KATNAL2: variants seen among roughly 807,000 people sequenced by gnomAD.
The protein encoded by KATNAL2 is katanin catalytic subunit A1 like 2, also known as katanin p60 ATPase-containing subunit A-like 2.
Under a neutral mutation model 76.3 loss-of-function variants are expected in KATNAL2, and 52 were observed. The observed-to-expected ratio is 0.68, with a 90% confidence interval of 0.55 to 0.86. The LOEUF (loss-of-function observed/expected upper bound fraction) is 0.86, where lower values mean the gene tolerates loss of function less well. KATNAL2 is among the 40% of genes least tolerant of loss of function. The pLI is 0.00. For synonymous variants in KATNAL2, 243 were observed against 244.2 expected (o/e 1.00, Z 0.05); for missense variants, 660 against 668.9 (o/e 0.99, Z 0.15).
intron 11 of KATNAL2, among the ~76,000 whole-genome samples, 163 bp downstream of exon 11, chr18:47,067,282 T>C (rs1388822758): frequency 3.3e-5 from 5 of 152,284 alleles, no homozygotes; most frequent in Middle Eastern, 3.4e-3. Flanking sequence ...CACCAAAGCC[T>C]GGTCCATTCT....
chr18:46,961,709 A>T (rs1310175971), intron 3 of KATNAL2, among the ~76,000 whole-genome samples: 1 of 152,228 alleles, frequency 6.6e-6, no homozygotes, highest in African/African-American at 2.4e-5. Context: ...ATTGGCAGAC[A>T]GCAATTGCTC....
At chr18:47,037,016 G>A (rs2060801888) in intron 3 of KATNAL2, among the ~76,000 whole-genome samples, 1 of 152,216 alleles carries the variant, frequency 6.6e-6, no homozygotes, top group South Asian at 2.1e-4. Context: ...TGCAGGGACT[G>A]TAAAACAGAA....
chr18:47,032,674 G>T, intron 3 of KATNAL2: 2 of 374,990 alleles, frequency 5.3e-6, no homozygotes, highest in Non-Finnish European at 9.6e-6. Flanking sequence ...AAAAAAAAAA[G>T]AAAGGAAAAA....
chr18:47,070,855 A>G (rs2061973403), intron 13 of KATNAL2, among the ~76,000 whole-genome samples: 1 of 152,190 alleles, frequency 6.6e-6, no homozygotes, highest in African/African-American at 2.4e-5. Context: ...GGAAATCTAC[A>G]TTGATATCTT....
At chr18:46,954,134 G>A (rs2059651455) in intron 3 of KATNAL2, among the ~76,000 whole-genome samples, 1 of 151,424 alleles carries the variant, frequency 6.6e-6, no homozygotes, top group Non-Finnish European at 1.5e-5. Context: ...TCTTCTGCCT[G>A]GGTAGGGGAG....
In KATNAL2 at chr18:46,952,574, A is replaced by G. The variant is rs117631098; in HGVS notation, c.51+5651A>G. Among the ~76,000 whole-genome samples, 86 of 151,804 alleles carry G rather than the reference A, an allele frequency of 5.7e-4. No individual in the cohort carries two copies. The East Asian group carries it at 0.015, about 26-fold the overall frequency. On this transcript the variant is annotated intron_variant, in intron 3 of 17. Coordinates refer to ENST00000683218, the MANE Select transcript of KATNAL2 (RefSeq NM_001387690.1). Reference sequence around the variant, plus strand: ...ACCACCACGCCCGGCTAACTTTTGTATTTTTAGTAGAGACGGAAGTTTAAC... The same window carrying G: ...ACCACCACGCCCGGCTAACTTTTGTGTTTTTAGTAGAGACGGAAGTTTAAC...
At chr18:47,084,182 CG>C in intron 15 of KATNAL2, 1 of 552,612 alleles carries the variant, frequency 1.8e-6, no homozygotes, top group South Asian at 2.4e-5. Context: ...TGAAACCCGC[CG>C]GGGCAACTGC....
chr18:47,053,743 G>T (rs921678790), intron 5 of KATNAL2, among the ~76,000 whole-genome samples: 2 of 152,202 alleles, frequency 1.3e-5, no homozygotes, highest in African/African-American at 4.8e-5. Context: ...ATTTAAAATA[G>T]CCAGGGCCAG....
At chr18:47,046,363 G>T (rs980441933) in intron 3 of KATNAL2, 94 bp from the exon 4 acceptor site, 8 of 808,652 alleles carry the variant, frequency 9.9e-6, no homozygotes, top group Middle Eastern at 2.2e-4. Context: ...ATGCTGCTTG[G>T]CTTTGACAGG....
rs370183513 is a variant in KATNAL2, at chr18:47,061,069, A to G, written c.549+1415A>G. Among the ~76,000 whole-genome samples, 20 of 152,326 alleles carry G rather than the reference A, an allele frequency of 1.3e-4. No individual in the cohort carries two copies. In the East Asian group the frequency reaches 2.3e-3, roughly 18 times the overall value. ...AAATGTCCTCAAAGGCACAATGTAGATGGCTTTCTCCCTAGCATTTCATAT... is the reference window on the plus strand; with the variant it reads ...AAATGTCCTCAAAGGCACAATGTAGGTGGCTTTCTCCCTAGCATTTCATAT... On this transcript the variant is annotated intron_variant, in intron 8 of 17. Coordinates refer to ENST00000683218, the MANE Select transcript of KATNAL2 (RefSeq NM_001387690.1).
intron 3 of KATNAL2, among the ~76,000 whole-genome samples, chr18:47,037,895 G>T (rs1324188403): frequency 6.6e-6 from 1 of 151,136 alleles, no homozygotes; most frequent in African/African-American, 2.4e-5. Context: ...ATGTTGCCCA[G>T]GCTGCTCTCA....
At chr18:47,033,798 T>C (rs2060614974) in intron 3 of KATNAL2, 2 of 1,614,082 alleles carry the variant, frequency 1.2e-6, no homozygotes, top group Admixed American at 1.7e-5. Context: ...AGAGTGCTTC[T>C]GGCTTTGCCT....
intron 3 of KATNAL2, among the ~76,000 whole-genome samples, chr18:47,041,688 A>AT (rs1569067991): frequency 6.6e-6 from 1 of 152,232 alleles, no homozygotes; most frequent in African/African-American, 2.4e-5. Flanking sequence ...CTCTGTGAAC[A>AT]TAAGTTTTCA....
At chr18:46,960,760 C>G (rs571791697) in intron 3 of KATNAL2, among the ~76,000 whole-genome samples, 1 of 152,298 alleles carries the variant, frequency 6.6e-6, no homozygotes, top group East Asian at 1.9e-4. Context: ...AGAATAAAGG[C>G]TACTTTAGAT....
chr18:47,071,953 C>CTTCTTTTTTTTTT (rs2062020721), intron 13 of KATNAL2, among the ~76,000 whole-genome samples: 1 of 43,950 alleles, frequency 2.3e-5, no homozygotes, highest in Non-Finnish European at 3.6e-5. Flanking sequence ...CCAATTTCTT[C>CTTCTTTTTTTTTT]TTTTTTTTTT....
intron 1 of KATNAL2, among the ~76,000 whole-genome samples, chr18:46,921,166 T>C (rs1020252242): frequency 6.6e-6 from 1 of 152,204 alleles, no homozygotes; most frequent in Non-Finnish European, 1.5e-5. Context: ...CTCGCTCTGT[T>C]GCCCAGTCTG....
In KATNAL2 at chr18:46,917,624, G is replaced by C. The variant is rs1418698600; in HGVS notation, c.-812G>C. The C allele has an allele frequency of 1.1e-6, 1 of 896,902 alleles. No homozygotes were observed. The highest frequency in any genetic ancestry group is 1.3e-6 in the Non-Finnish European group (1 of 744,462). 55.6% of individuals were successfully genotyped at this position (896,902 alleles called of 1,614,324 possible). A position where few individuals can be genotyped will look rare whatever the true frequency, so the allele number is the denominator to read the frequency against. On this transcript the variant is annotated 5_prime_UTR_variant, in exon 1 of 18. Coordinates refer to ENST00000683218, the MANE Select transcript of KATNAL2 (RefSeq NM_001387690.1). The stretch of plus-strand genomic sequence containing the variant: ...TTCAGTCCGCGCGGCGACAGCGCCC[G>C]CCCGCGCCTGCCCCGGCGTGCTGCC...
At chr18:46,939,816 C>G (rs1259431798) in intron 1 of KATNAL2, among the ~76,000 whole-genome samples, 3 of 152,212 alleles carry the variant, frequency 2.0e-5, no homozygotes, top group Non-Finnish European at 4.4e-5. Flanking sequence ...CTACACTGGT[C>G]TCTGCCCTTT....
intron 1 of KATNAL2, among the ~76,000 whole-genome samples, chr18:46,921,643 A>C (rs375158237): frequency 6.6e-6 from 1 of 151,964 alleles, no homozygotes; most frequent in South Asian, 2.1e-4. Context: ...AATTTTTTGT[A>C]TCTAAACAGC....
Sources: allele counts gnomAD v4.1 joint callset (sites outside exome capture counted in the v4.1 genomes callset), GRCh38; gene constraint gnomAD v4.1.1; transcripts MANE v1.5; gene names NCBI Gene and HGNC (gene_info 2026-07-23, HGNC 2026-07-21).